The following SMAD6 variants were observed in gnomAD, a reference collection of about 807,000 sequenced individuals.
The protein encoded by SMAD6 is MAD homolog 6.
Under a neutral mutation model 39.4 loss-of-function variants are expected in SMAD6, and 103 were observed. The observed-to-expected ratio is 2.62, with a 90% CI of 2.23 to 3.08. The LOEUF is 3.08. Among genes scored for constraint, SMAD6 ranks in the 30% most tolerant of loss-of-function variants. The probability of loss-of-function intolerance (pLI) is 0.00; values close to 1 mark genes in which losing one functional copy is unlikely to be tolerated. For synonymous variants in SMAD6, 445 were observed against 353.3 expected (o/e 1.26, Z -2.91); for missense variants, 1,104 against 742.9 (o/e 1.49, Z -5.65).
chr15:66,748,203 C>G (rs1595785572), intron 3 of SMAD6, among the ~76,000 whole-genome samples: 1 of 149,642 alleles, frequency 6.7e-6, no homozygotes, highest in East Asian at 1.9e-4. Flanking sequence ...TGATTTCTTC[C>G]CATTTTTTTT....
At chr15:66,718,658 G>A (rs75407799) in intron 3 of SMAD6, among the ~76,000 whole-genome samples, 2,576 of 152,192 alleles carry the variant, frequency 0.017, 76 homozygotes, top group African/African-American at 0.054. Flanking sequence ...AATGTTCCCC[G>A]CTGAGGGCCC....
At chr15:66,779,701 G>C (rs1894525492) in intron 3 of SMAD6, among the ~76,000 whole-genome samples, 1 of 152,224 alleles carries the variant, frequency 6.6e-6, no homozygotes, top group African/African-American at 2.4e-5. Context: ...CTGGGATTTG[G>C]TTGGACTTTG....
chr15:66,750,414 C>T (rs1355931094), intron 3 of SMAD6, among the ~76,000 whole-genome samples: 2 of 152,280 alleles, frequency 1.3e-5, no homozygotes, highest in East Asian at 1.9e-4. Flanking sequence ...AATGACTCAT[C>T]CGAATTTCAT....
chr15:66,703,601 T>C lies in SMAD6; in HGVS notation c.343T>C (p.Trp115Arg). 8.2e-7 allele frequency: 1 copy of C among 1,226,888 alleles called. No homozygotes were observed. The highest frequency in any genetic ancestry group is 4.3e-5 in the Admixed American group (1 of 23,234). The allele number at this position is 1,226,888 out of a possible 1,614,324, so 76.0% of individuals were successfully genotyped here. A position where few individuals can be genotyped will look rare whatever the true frequency, so the allele number is the denominator to read the frequency against. Residue 115 changes from tryptophan (W) to arginine (R), a missense_variant, in exon 1 of 4, where the codon TGG becomes CGG. Trp to Arg is a moderately radical substitution (Grantham distance 101). Coordinates refer to ENST00000288840, the MANE Select transcript of SMAD6 (RefSeq NM_005585.5). ...CGTGGCGGAGCCGGGAGGCCCGGGC[T>C]GGCTGCCCGAGAGTGACTGCGAGAC... is the stretch of plus-strand genomic sequence containing the variant. ...LDVAEPGGPG[W>R]LPESDCETVT...
intron 1 of SMAD6, chr15:66,708,408 G>A: frequency 4.7e-6 from 1 of 214,020 alleles, no homozygotes; most frequent in Non-Finnish European, 9.8e-6. Context: ...ATGCCCTGGG[G>A]CTCCACCAGT....
chr15:66,749,363 C>T (rs1595786225), intron 3 of SMAD6, among the ~76,000 whole-genome samples: 1 of 152,110 alleles, frequency 6.6e-6, no homozygotes, highest in Non-Finnish European at 1.5e-5. Flanking sequence ...GAGGGTAAGG[C>T]AAGAGAATCG....
intron 3 of SMAD6, among the ~76,000 whole-genome samples, chr15:66,720,530 G>C (rs944512533): frequency 2.6e-5 from 4 of 152,136 alleles, no homozygotes; most frequent in Admixed American, 2.6e-4. Flanking sequence ...GGCTGGAGGC[G>C]GCACACTGGG....
At chr15:66,724,582 G>A (rs914725971) in intron 3 of SMAD6, among the ~76,000 whole-genome samples, 1 of 152,188 alleles carries the variant, frequency 6.6e-6, no homozygotes, top group Non-Finnish European at 1.5e-5. Context: ...ATAGAGCTGA[G>A]ATTGGAACCC....
Position 66,703,415 on chromosome 15 carries a change from G to T in SMAD6, c.157G>T (p.Gly53Ter). 2 of 1,344,004 alleles carry T rather than the reference G, an allele frequency of 1.5e-6. No homozygotes were observed. The highest frequency in any genetic ancestry group is 1.9e-6 in the Non-Finnish European group (2 of 1,046,336). The allele number at this position is 1,344,004 out of a possible 1,614,324, so 83.3% of individuals were successfully genotyped here. Reference sequence around the variant, plus strand: ...GCCGGCCCCGCGGGCAAGAGAGGGCGGAGGCTGCGGCCGCTCCGAAGTCCG... The same window carrying T: ...GCCGGCCCCGCGGGCAAGAGAGGGCTGAGGCTGCGGCCGCTCCGAAGTCCG... Reference protein sequence around the residue: ...AEPAPRAREGGGCGRSEVRPV... With the variant: ...AEPAPRAREG Residue 53 changes from glycine (G) to a stop codon, truncating the protein, a stop_gained, in exon 1 of 4, where the codon GGA becomes TGA. Coordinates refer to ENST00000288840, the MANE Select transcript of SMAD6 (RefSeq NM_005585.5). LOFTEE classifies it high-confidence loss of function.
chr15:66,707,837 G>A (rs1893148836), intron 1 of SMAD6: 1 of 152,348 alleles, frequency 6.6e-6, no homozygotes, highest in Non-Finnish European at 1.5e-5. Context: ...CGGGAGGCAT[G>A]TGGATCTTTT....
At chr15:66,722,312 A>G (rs772489816) in intron 3 of SMAD6, among the ~76,000 whole-genome samples, 18 of 152,210 alleles carry the variant, frequency 1.2e-4, no homozygotes, top group Non-Finnish European at 2.5e-4. Context: ...TTCAAAGGGA[A>G]AGCAGGAGGG....
At chr15:66,735,721 T>C (rs1893701464) in intron 3 of SMAD6, among the ~76,000 whole-genome samples, 1 of 152,164 alleles carries the variant, frequency 6.6e-6, no homozygotes, top group African/African-American at 2.4e-5. Flanking sequence ...GGTCACACTT[T>C]GAGGTGTGGG....
intron 3 of SMAD6, among the ~76,000 whole-genome samples, chr15:66,775,693 G>A (rs1199837719): frequency 6.6e-6 from 1 of 152,180 alleles, no homozygotes; most frequent in African/African-American, 2.4e-5. Context: ...GGTAGTGAGC[G>A]GGAGTTTCGG....
chr15:66,755,845 G>A (rs546766752), intron 3 of SMAD6, among the ~76,000 whole-genome samples: 66 of 152,270 alleles, frequency 4.3e-4, no homozygotes, highest in Non-Finnish European at 7.8e-4. Context: ...GAGCCTGCCC[G>A]AGGTGAGCAG....
At chr15:66,734,711 G>C (rs1406211003) in intron 3 of SMAD6, among the ~76,000 whole-genome samples, 1 of 152,144 alleles carries the variant, frequency 6.6e-6, no homozygotes, top group Non-Finnish European at 1.5e-5. Flanking sequence ...GGTGTGATGG[G>C]AAGTGACTGT....
intron 3 of SMAD6, among the ~76,000 whole-genome samples, chr15:66,729,611 G>A (rs1018112465): frequency 6.6e-6 from 1 of 152,164 alleles, no homozygotes; most frequent in East Asian, 1.9e-4. Flanking sequence ...GGGGCGCCGG[G>A]CCCCTCTGAC....
intron 3 of SMAD6, chr15:66,716,947 C>A: frequency 1.6e-6 from 2 of 1,279,470 alleles, no homozygotes; most frequent in Non-Finnish European, 2.0e-6. Flanking sequence ...AATGAGCTTG[C>A]AGGGAGGATC....
In SMAD6 at chr15:66,780,491, C is replaced by T. The variant is rs75658994; in HGVS notation, c.953-506C>T. Among the ~76,000 whole-genome samples the T allele has an allele frequency of 8.1e-3, 1,227 of 152,278 alleles. 96 individuals carry two copies. The East Asian group carries it at 0.17, about 21-fold the overall frequency. On this transcript the variant is annotated intron_variant, in intron 3 of 3. Coordinates refer to ENST00000288840, the MANE Select transcript of SMAD6 (RefSeq NM_005585.5). ...TTGGACTAGTGGGTTCAAATTCTGG[C>T]GGGGTGCCCTCCTCTGTAGAACGAG...
intron 1 of SMAD6, chr15:66,704,982 T>C (rs1351195866): frequency 6.6e-6 from 1 of 152,324 alleles, no homozygotes; most frequent in African/African-American, 2.4e-5. Context: ...CTCTGACCTC[T>C]GTCTTGTGGG....
Sources: allele counts gnomAD v4.1 joint callset (sites outside exome capture counted in the v4.1 genomes callset), GRCh38; gene constraint gnomAD v4.1.1; transcripts MANE v1.5; gene names NCBI Gene and HGNC (gene_info 2026-07-23, HGNC 2026-07-21).